PREX2: variants seen among roughly 807,000 people sequenced by gnomAD.
The protein encoded by PREX2 is phosphatidylinositol 3,4,5-trisphosphate-dependent Rac exchanger 2 protein.
A neutral mutation model predicts 203.2 loss-of-function variants in PREX2; 107 were observed. The observed-to-expected ratio is 0.53, with a 90% CI of 0.45 to 0.62. PREX2 has a LOEUF of 0.62. Ranked by LOEUF, PREX2 falls within the 20% of genes least tolerant of loss-of-function variation. The pLI, the probability that PREX2 is intolerant of heterozygous loss-of-function variation, is 0.00. For missense variants in PREX2, 1,777 were observed against 1,955.9 expected, an observed-to-expected ratio of 0.91 and a Z score of 1.72; for synonymous variants, 672 against 663.6, an observed-to-expected ratio of 1.01 and a Z score of -0.19.
chr8:67,985,555 C>T (rs145966957), intron 1 of PREX2, among the ~76,000 whole-genome samples: 4 of 152,056 alleles, frequency 2.6e-5, no homozygotes, highest in East Asian at 3.9e-4. Context: ...GATGATTTAC[C>T]GTGCACTTAA....
Position 68,146,154 on chromosome 8 carries a change from A to G in PREX2, c.4088-55A>G, listed in dbSNP as rs947479709. On this transcript the variant is annotated intron_variant, in intron 33 of 39. Coordinates refer to ENST00000288368, the MANE Select transcript of PREX2 (RefSeq NM_024870.4). ...ATTCTTTCTGAAAGTTAACAAAAGTACCATCTAGCATATCCTTATTTTAGG... is the reference window on the plus strand; with the variant it reads ...ATTCTTTCTGAAAGTTAACAAAAGTGCCATCTAGCATATCCTTATTTTAGG... 125 of 1,239,052 alleles carry G rather than the reference A, an allele frequency of 1.0e-4. No homozygotes were observed. In the African/African-American group the frequency reaches 1.8e-3, roughly 17 times the overall value. The allele number at this position is 1,239,052 out of a possible 1,614,324, so 76.8% of individuals were successfully genotyped here.
chr8:68,031,174 A>AT (rs1172374518), intron 6 of PREX2, among the ~76,000 whole-genome samples: 3 of 152,272 alleles, frequency 2.0e-5, no homozygotes, highest in African/African-American at 7.2e-5. Context: ...CACTAAGGAA[A>AT]TTTTTTTATG....
At chr8:68,216,638 G>A (rs1445076790) in intron 37 of PREX2, among the ~76,000 whole-genome samples, 1 of 152,042 alleles carries the variant, frequency 6.6e-6, no homozygotes, top group Non-Finnish European at 1.5e-5. Context: ...GTACTGTAGA[G>A]ATCAATGTGG....
chr8:67,973,689 G>A (rs59758687), intron 1 of PREX2, among the ~76,000 whole-genome samples: 3,497 of 152,060 alleles, frequency 0.023, 128 homozygotes, highest in African/African-American at 0.077. Context: ...AGTGTTATTG[G>A]TCTTGCATTA....
rs918433728 is a variant in PREX2 at position 67,958,493 on chromosome 8, A to C, written c.141+5958A>C. Among the ~76,000 whole-genome samples the C allele has an allele frequency of 6.6e-5, 10 of 152,324 alleles. No homozygotes were observed. In the South Asian group the frequency reaches 8.3e-4, roughly 13 times the overall value. On this transcript the variant is annotated intron_variant, in intron 1 of 39. Coordinates refer to ENST00000288368, the MANE Select transcript of PREX2 (RefSeq NM_024870.4). ...TTACTTTAATATAAAAATAGTAGCT[A>C]TTGCGATTAGATTTGTTTCTTAGCA... is the stretch of plus-strand genomic sequence containing the variant.
chr8:68,147,080 TA>T (rs1176124022), intron 34 of PREX2, among the ~76,000 whole-genome samples: 1 of 151,846 alleles, frequency 6.6e-6, no homozygotes, highest in Non-Finnish European at 1.5e-5. Context: ...CTCCACATTC[TA>T]AAAAAAATGT....
chr8:68,132,715 C>T (rs1439758555), intron 31 of PREX2, among the ~76,000 whole-genome samples: 1 of 152,116 alleles, frequency 6.6e-6, no homozygotes, highest in Non-Finnish European at 1.5e-5. Context: ...CTAATATTGA[C>T]AATGCTTCTT....
chr8:68,174,274 A>G (rs1386758183), intron 35 of PREX2, among the ~76,000 whole-genome samples: 1 of 152,176 alleles, frequency 6.6e-6, no homozygotes, highest in Non-Finnish European at 1.5e-5. Flanking sequence ...TTTAACTTAG[A>G]AGAAATTAAT....
At chr8:68,119,365 A>AT (rs1422718736) in intron 27 of PREX2, 67 bp from the exon 28 acceptor site, 2 of 951,124 alleles carry the variant, frequency 2.1e-6, no homozygotes, top group African/African-American at 3.2e-5. Context: ...ATATTACAAT[A>AT]TTTTGGTACG....
intron 13 of PREX2, among the ~76,000 whole-genome samples, chr8:68,072,145 C>T (rs56148608): frequency 0.24 from 37,185 of 151,848 alleles, 4,567 homozygotes; most frequent in South Asian, 0.3. Context: ...CACTTAAAGT[C>T]GCAGTTTCCA....
chr8:68,002,313 A>G (rs1340439391), intron 1 of PREX2, among the ~76,000 whole-genome samples: 1 of 151,836 alleles, frequency 6.6e-6, no homozygotes, highest in Non-Finnish European at 1.5e-5. Context: ...ACACCCGGCT[A>G]ATTTTTGTAT....
chr8:68,225,508 C>G (rs1393822218), intron 39 of PREX2, among the ~76,000 whole-genome samples: 1 of 152,130 alleles, frequency 6.6e-6, no homozygotes, highest in South Asian at 2.1e-4. Flanking sequence ...ATAGGTTCTT[C>G]CAAACACTGC....
intron 3 of PREX2, among the ~76,000 whole-genome samples, chr8:68,021,389 A>G (rs1435360884): frequency 2.6e-5 from 4 of 152,186 alleles, no homozygotes; most frequent in Non-Finnish European, 4.4e-5. Context: ...TATACCTACA[A>G]ATATGACTCT....
chr8:68,165,261 C>T (rs1316637670), intron 35 of PREX2, among the ~76,000 whole-genome samples: 2 of 152,088 alleles, frequency 1.3e-5, no homozygotes. Flanking sequence ...TTTATAATCT[C>T]AGTACTTTTA....
rs868582467 is a variant in PREX2 at position 68,134,175 on chromosome 8, G to A, written c.3883G>A (p.Glu1295Lys). The part of the protein sequence containing the change: ...ALNQMFDNSK[E>K]NEMETWEASR... The stretch of plus-strand genomic sequence containing the variant: ...GAACCAGATGTTTGACAACAGCAAG[G>A]AAAATGAGATGGAAACTTGGGAAGC... Residue 1295 changes from glutamate (E) to lysine (K), a missense_variant, in exon 32 of 40, where the codon GAA becomes AAA. By Grantham distance (56) the Glu-to-Lys change is moderately conservative. Transcript: ENST00000288368. The A allele has an allele frequency of 6.2e-7, 1 of 1,614,134 alleles. No homozygotes were observed. Among genetic ancestry groups the A allele is most frequent in the Non-Finnish European group, 8.5e-7 (1 of 1,180,008 alleles).
chr8:68,128,784 G>T (rs1312009288), intron 31 of PREX2, among the ~76,000 whole-genome samples: 1 of 152,192 alleles, frequency 6.6e-6, no homozygotes. Context: ...GAAGGAAAGG[G>T]TCTCAAAATT....
chr8:68,176,498 C>T (rs1236866689), intron 35 of PREX2, among the ~76,000 whole-genome samples: 7 of 152,130 alleles, frequency 4.6e-5, no homozygotes, highest in African/African-American at 1.7e-4. Flanking sequence ...CCCACCCTTC[C>T]ATTGACTAGC....
At position 68,119,412 on chromosome 8, in the gene PREX2, G is replaced by GT; in HGVS notation, c.3422-15dup. On this transcript the variant is annotated intron_variant, in intron 27 of 39. Coordinates refer to ENST00000288368, the MANE Select transcript of PREX2 (RefSeq NM_024870.4). ...ATGAGTGATTTTGGTTTTTGGTTTT[G>GT]TTTTTGTTTTGACATCTAGGTGATG... 1 of 1,592,452 alleles carries GT rather than the reference G, an allele frequency of 6.3e-7. No homozygotes were observed. Among genetic ancestry groups the GT allele is most frequent in the African/African-American group, 1.3e-5 (1 of 74,452 alleles).
chr8:68,168,181 T>A lies in PREX2; in HGVS notation c.4346+10745T>A, dbSNP rs569918291. Reference sequence around the variant, plus strand: ...CTCTTTGATACATGTACTACGTTTATCTTGGTATCACCCATTGTGTTTATC... The same window carrying A: ...CTCTTTGATACATGTACTACGTTTAACTTGGTATCACCCATTGTGTTTATC... On this transcript the variant is annotated intron_variant, in intron 35 of 39. Transcript: ENST00000288368. 1.5e-4 allele frequency among the ~76,000 whole-genome samples: 23 copies of A among 152,360 alleles called. No homozygotes were observed. The South Asian group carries it at 4.8e-3, about 32-fold the overall frequency.
Sources: gnomAD v4.1 joint callset for allele counts (sites outside exome capture counted in the v4.1 genomes callset) on GRCh38, gnomAD v4.1.1 for gene constraint, MANE v1.5 for transcripts, NCBI Gene and HGNC (gene_info 2026-07-23, HGNC 2026-07-21) for gene names.